TNN: variants seen among roughly 807,000 people sequenced by gnomAD.
TNN encodes the protein tenascin-N.
In TNN, 122 loss-of-function variants were observed where a neutral mutation model predicts 134.4. The ratio of observed to expected loss-of-function variants is 0.91; its 90% CI spans 0.78 to 1.06. The LOEUF (loss-of-function observed/expected upper bound fraction) is 1.06, where lower values mean the gene tolerates loss of function less well. Ranked by LOEUF, TNN falls within the 50% of genes least tolerant of loss-of-function variation. The probability of loss-of-function intolerance (pLI) is 0.00; values close to 1 mark genes in which losing one functional copy is unlikely to be tolerated. For synonymous variants in TNN, 710 were observed against 670.3 expected, an observed-to-expected ratio of 1.06 and a Z score of -0.91; for missense variants, 1,739 against 1,699.4, an observed-to-expected ratio of 1.02 and a Z score of -0.41.
chr1:175,099,886 C>T (rs1674676691), intron 9 of TNN, among the ~76,000 whole-genome samples: 2 of 152,048 alleles, frequency 1.3e-5, no homozygotes. Context: ...TACTCCCCTT[C>T]CTCTGCCAAT....
intron 15 of TNN, among the ~76,000 whole-genome samples, chr1:175,129,932 C>T (rs1675633747): frequency 6.6e-6 from 1 of 152,216 alleles, no homozygotes; most frequent in South Asian, 2.1e-4. Context: ...AAGACGGAAA[C>T]TTGGGCAATG....
chr1:175,102,489 C>T lies in TNN; in HGVS notation c.2119+3894C>T, dbSNP rs559941670. Among the ~76,000 whole-genome samples, 18 of 145,958 alleles carry T rather than the reference C, an allele frequency of 1.2e-4. 4 individuals are homozygous for T. Among genetic ancestry groups the T allele is most frequent in the South Asian group, 4.6e-4 (2 of 4,350 alleles). On this transcript the variant is annotated intron_variant, in intron 9 of 18. Transcript: ENST00000239462. ...CTCGGCGAGAAATCGAGCGCAGTGC[C>T]GGTGGGCTGGCACTGCTGGGGGACC...
rs144658277 is a variant in TNN, at chr1:175,147,071, A to G, written c.3900A>G (p.Ter1300TrpextTer4). 95 of 1,574,036 alleles carry G rather than the reference A, an allele frequency of 6.0e-5. No homozygotes were observed. The African/African-American group carries it at 1.0e-3, about 17-fold the overall frequency. The change falls in exon 19 of 19, where the codon TGA becomes TGG. Residue 1300 changes from the stop codon to tryptophan (W), a stop_lost. Transcript: ENST00000239462. ...RTLRGRLRTF[*>W] ...TGAGAGGAAGGCTGCGAACGTTCTG[A>G]TGGCCCGTGTGAGCAGTCCTCGCAG...
At chr1:175,106,353 C>G (rs1413595760) in intron 9 of TNN, among the ~76,000 whole-genome samples, 1 of 145,768 alleles carries the variant, frequency 6.9e-6, no homozygotes, top group Non-Finnish European at 1.5e-5. Context: ...TGAGGCTCCC[C>G]ATATCCTAGC....
At chr1:175,118,013 T>G (rs1217302174) in intron 10 of TNN, among the ~76,000 whole-genome samples, 2 of 152,232 alleles carry the variant, frequency 1.3e-5, no homozygotes, top group African/African-American at 2.4e-5. Context: ...TTTTGCGGAT[T>G]CCTTTAGTAA....
In TNN at chr1:175,077,736, G is replaced by A. The variant is rs776419970; in HGVS notation, c.318G>A (p.Gln106=). 1 of 1,614,240 alleles carries A rather than the reference G, an allele frequency of 6.2e-7. No individual in the cohort carries two copies. Among genetic ancestry groups the A allele is most frequent in the Non-Finnish European group, 8.5e-7 (1 of 1,180,026 alleles). ...ACTGCGAGTTGGCAGGCAGTGTCCA[G>A]GACCTCCTGGCCCGGGTGAAGAAGC... ...QKDCELAGSV[Q]DLLARVKKLE... is the part of the protein sequence containing the mutation. The change falls in exon 2 of 19, where the codon CAG becomes CAA. Residue 106 remains glutamine (Q), a synonymous_variant. Transcript: ENST00000239462.
At chr1:175,125,703 C>CTTTCTT (rs66718246) in intron 12 of TNN, among the ~76,000 whole-genome samples, 923 of 66,424 alleles carry the variant, frequency 0.014, 12 homozygotes, top group Non-Finnish European at 0.018. Context: ...TCTTTTTTCT[C>CTTTCTT]TCTTTCTTTC....
At chr1:175,137,021 T>G in intron 17 of TNN, 33 bp downstream of exon 17, 1 of 1,608,004 alleles carries the variant, frequency 6.2e-7, no homozygotes, top group Non-Finnish European at 8.5e-7. Context: ...TGCGAAGGTC[T>G]CTTGCTGTCT....
chr1:175,128,446 A>G, intron 14 of TNN, 149 bp from the exon 15 acceptor site: 1 of 1,035,830 alleles, frequency 9.7e-7, no homozygotes, highest in Non-Finnish European at 1.4e-6. Context: ...GATGAGAAAA[A>G]TAAGATATGA....
chr1:175,097,727 T>A, intron 8 of TNN, 44 bp downstream of exon 8: 1 of 1,611,512 alleles, frequency 6.2e-7, no homozygotes, highest in Middle Eastern at 1.7e-4. Flanking sequence ...TTTTAGCTTG[T>A]GGATTTGAAT....
rs769687848 is a variant in TNN at position 175,144,531 on chromosome 1, G to A, written c.3740G>A (p.Gly1247Glu). The change falls in exon 18 of 19, where the codon GGG becomes GAG. Residue 1247 changes from glycine to glutamate, a missense_variant. By Grantham distance (98) the Gly-to-Glu change is moderately conservative (BLOSUM62 -2). Transcript: ENST00000239462. ...TTGGCCAACCCTAATGGCAGATATGGGGAGACCAAGCACAGTGAGGTAGGT... is the reference window on the plus strand; with the variant it reads ...TTGGCCAACCCTAATGGCAGATATGAGGAGACCAAGCACAGTGAGGTAGGT... ...CHLANPNGRY[G>E]ETKHSEGVNW... 1 of 1,614,198 alleles carries A rather than the reference G, an allele frequency of 6.2e-7. No individual in the cohort carries two copies. The highest frequency in any genetic ancestry group is 8.5e-7 in the Non-Finnish European group (1 of 1,180,022).
At chr1:175,110,680 A>G (rs1162318518) in intron 9 of TNN, among the ~76,000 whole-genome samples, 1 of 152,204 alleles carries the variant, frequency 6.6e-6, no homozygotes, top group Non-Finnish European at 1.5e-5. Flanking sequence ...GGCAGTAAAT[A>G]TGTGGATTTA....
chr1:175,106,453 A>G lies in TNN; in HGVS notation c.2119+7858A>G, dbSNP rs186979051. Among the ~76,000 whole-genome samples the G allele has an allele frequency of 6.1e-4, 89 of 145,906 alleles. 17 individuals carry two copies. In the East Asian group the frequency reaches 0.013, roughly 22 times the overall value. ...CACTACGATGGGGCCTTGGGCAAAA[A>G]CTGTGTCTTTCTGATTGGTGAGCCC... On this transcript the variant is annotated intron_variant, in intron 9 of 18. Transcript: ENST00000239462.
At position 175,127,039 on chromosome 1, in the gene TNN, T is replaced by C; in HGVS notation, c.2999T>C (p.Ile1000Thr). The C allele has an allele frequency of 6.2e-7, 1 of 1,614,158 alleles. No homozygotes were observed. The highest frequency in any genetic ancestry group is 8.5e-7 in the Non-Finnish European group (1 of 1,180,010). ...ACCTGGACGCCCCCCTCTGCTCAGATCCACGGCTACATTCTGACTTACCAG... is the reference window on the plus strand; with the variant it reads ...ACCTGGACGCCCCCCTCTGCTCAGACCCACGGCTACATTCTGACTTACCAG... ...ILTWTPPSAQ[I>T]HGYILTYQFP... Residue 1000 changes from isoleucine (I) to threonine (T), a missense_variant, in exon 13 of 19, where the codon ATC (isoleucine) becomes ACC (threonine). Transcript: ENST00000239462.
chr1:175,123,671 G>A lies in TNN; in HGVS notation c.2914+8G>A. On this transcript the variant is annotated splice_region_variant and intron_variant, in intron 12 of 18. Coordinates refer to ENST00000239462, the MANE Select transcript of TNN (RefSeq NM_022093.2). Reference sequence around the variant, plus strand: ...ACACCAAGGCCCAGACAGGTACTGAGAGGGACCAGGCCAGGGGAACACCTC... The same window carrying A: ...ACACCAAGGCCCAGACAGGTACTGAAAGGGACCAGGCCAGGGGAACACCTC... 1 of 1,614,018 alleles carries A rather than the reference G, an allele frequency of 6.2e-7. No individual in the cohort carries two copies. The highest frequency in any genetic ancestry group is 8.5e-7 in the Non-Finnish European group (1 of 1,179,906).
At chr1:175,119,968 C>G (rs1675307837) in intron 11 of TNN, among the ~76,000 whole-genome samples, 1 of 152,158 alleles carries the variant, frequency 6.6e-6, no homozygotes, top group Non-Finnish European at 1.5e-5. Flanking sequence ...TTTCCAAAGC[C>G]TGTGTTTTTA....
At chr1:175,101,633 C>A (rs919484417) in intron 9 of TNN, among the ~76,000 whole-genome samples, 35 of 149,098 alleles carry the variant, frequency 2.3e-4, no homozygotes, top group Admixed American at 1.1e-3. Flanking sequence ...CAAAGGTTCT[C>A]CACGTCCCCA....
Position 175,080,046 on chromosome 1 carries a change from C to T in TNN, c.785-117C>T, listed in dbSNP as rs772179668. 387 of 1,381,610 alleles carry T rather than the reference C, an allele frequency of 2.8e-4. 1 individual carries two copies. The highest frequency in any genetic ancestry group is 3.6e-4 in the Non-Finnish European group (370 of 1,016,794). The allele number at this position is 1,381,610 out of a possible 1,614,324, so 85.6% of individuals were successfully genotyped here. On this transcript the variant is annotated intron_variant, in intron 3 of 18. Coordinates refer to ENST00000239462, the MANE Select transcript of TNN (RefSeq NM_022093.2). ...AATAACTTCTAGGGGTCGGGAATGGCGCCTTACACAGGTCTGCATCCTGCA... is the reference window on the plus strand; with the variant it reads ...AATAACTTCTAGGGGTCGGGAATGGTGCCTTACACAGGTCTGCATCCTGCA...
chr1:175,072,050 G>C (rs1673926596), intron 1 of TNN, among the ~76,000 whole-genome samples: 2 of 152,136 alleles, frequency 1.3e-5, no homozygotes, highest in African/African-American at 4.8e-5. Context: ...ACATTTGGCT[G>C]GAAATTAAAG....
Sources: gnomAD v4.1 joint callset for allele counts (sites outside exome capture counted in the v4.1 genomes callset) on GRCh38, gnomAD v4.1.1 for gene constraint, MANE v1.5 for transcripts, NCBI Gene and HGNC (gene_info 2026-07-23, HGNC 2026-07-21) for gene names.